Variants in MORF4L1 observed in about 807,000 individuals in gnomAD.
MORF4L1 encodes the protein mortality factor 4 like 1.
MORF4L1 carries 4 observed loss-of-function variants against 52.9 expected under a neutral mutation model. The ratio of observed to expected loss-of-function variants is 0.08; its 90% CI spans 0.04 to 0.17. MORF4L1 has a LOEUF of 0.17. MORF4L1 is among the 10% of genes least tolerant of loss of function. The pLI is 1.00. For synonymous variants in MORF4L1, 123 were observed against 134.8 expected (o/e 0.91, Z 0.61); for missense variants, 214 against 390.4 (o/e 0.55, Z 3.81).
chr15:78,886,579 A>G (rs1232552249), intron 4 of MORF4L1, among the ~76,000 whole-genome samples: 1 of 152,188 alleles, frequency 6.6e-6, no homozygotes, highest in African/African-American at 2.4e-5. Context: ...TCTGCTTTTC[A>G]TCTCTGAAAG....
At chr15:78,875,204 G>A (rs1470840315) in intron 1 of MORF4L1, among the ~76,000 whole-genome samples, 19 of 152,106 alleles carry the variant, frequency 1.2e-4, no homozygotes, top group Non-Finnish European at 7.3e-5. Flanking sequence ...AGACTGTCAA[G>A]GCACAAAAAG....
intron 1 of MORF4L1, chr15:78,873,330 C>A: frequency 9.6e-7 from 1 of 1,043,300 alleles, no homozygotes; most frequent in Non-Finnish European, 1.3e-6. Context: ...TGTTATTGTT[C>A]TGAGGAAGAG....
chr15:78,885,069 C>G, intron 3 of MORF4L1: 24 of 1,611,072 alleles, frequency 1.5e-5, no homozygotes, highest in Non-Finnish European at 1.9e-5. Flanking sequence ...TACACCACCC[C>G]CTCCTGACCT....
At chr15:78,890,021 G>T (rs1333533389) in intron 5 of MORF4L1, among the ~76,000 whole-genome samples, 1 of 152,084 alleles carries the variant, frequency 6.6e-6, no homozygotes, top group African/African-American at 2.4e-5. Flanking sequence ...TCAGGAGTTT[G>T]AGACCAGCCT....
chr15:78,880,832 C>T (rs1363633782), intron 3 of MORF4L1, among the ~76,000 whole-genome samples: 2 of 149,130 alleles, frequency 1.3e-5, no homozygotes, highest in African/African-American at 2.5e-5. Flanking sequence ...TATAGTCAAT[C>T]AATTATTCTG....
At chr15:78,880,190 T>A (rs948249160) in intron 2 of MORF4L1, among the ~76,000 whole-genome samples, 25 of 152,258 alleles carry the variant, frequency 1.6e-4, no homozygotes, top group African/African-American at 5.8e-4. Flanking sequence ...TAGAGGAATT[T>A]GCTTTTGAAA....
At chr15:78,884,211 AAAAC>A (rs1325000323) in intron 3 of MORF4L1, among the ~76,000 whole-genome samples, 2 of 143,172 alleles carry the variant, frequency 1.4e-5, no homozygotes, top group African/African-American at 5.2e-5. Flanking sequence ...CTCAAAAAAA[AAAAC>A]AAAAAGCTGA....
At chr15:78,881,061 T>C (rs2141463617) in intron 3 of MORF4L1, among the ~76,000 whole-genome samples, 1 of 152,200 alleles carries the variant, frequency 6.6e-6, no homozygotes, top group African/African-American at 2.4e-5. Context: ...TACCAGTCCA[T>C]ATTCTGAACT....
intron 1 of MORF4L1, chr15:78,873,264 A>G: frequency 6.8e-7 from 1 of 1,477,368 alleles, no homozygotes; most frequent in Non-Finnish European, 9.0e-7. Flanking sequence ...AGTGCTGCGC[A>G]GGCGTTAGAG....
Position 78,896,834 on chromosome 15 carries a change from C to T in MORF4L1, c.888-149C>T, listed in dbSNP as rs150811229. The T allele has an allele frequency of 7.7e-4, 453 of 591,430 alleles. 3 individuals carry two copies. The African/African-American group carries it at 7.7e-3, about 10-fold the overall frequency. 36.6% of individuals were successfully genotyped at this position (591,430 alleles called of 1,614,324 possible). On this transcript the variant is annotated intron_variant, in intron 11 of 11. Transcript: ENST00000426013. The stretch of plus-strand genomic sequence containing the variant: ...AACCTTATTTATTTACCTGAATTGT[C>T]ATTATGTGTGGTTTTACTGTGAGAG...
Position 78,896,929 on chromosome 15 carries a change from T to A in MORF4L1, c.888-54T>A. On this transcript the variant is annotated intron_variant, in intron 11 of 11. Coordinates refer to ENST00000426013, the MANE Select transcript of MORF4L1 (RefSeq NM_006791.4). ...ATGTATATAATATATAGGAAGAGAT[T>A]TGGATCAAGATAATGACCTTTAAAA... The A allele has an allele frequency of 5.9e-6, 8 of 1,367,198 alleles. No homozygotes were observed. The Admixed American group carries it at 1.4e-4, about 25-fold the overall frequency. The allele number at this position is 1,367,198 out of a possible 1,614,324, so 84.7% of individuals were successfully genotyped here.
intron 8 of MORF4L1, 47 bp from the exon 9 acceptor site, chr15:78,893,491 CT>C: frequency 7.6e-7 from 1 of 1,311,180 alleles, no homozygotes; most frequent in South Asian, 1.2e-5. Flanking sequence ...TATGATTTTT[CT>C]TTAAAAAAGA....
At chr15:78,873,106 A>G (rs1463309078) in intron 1 of MORF4L1, 49 bp downstream of exon 1, 1 of 1,546,486 alleles carries the variant, frequency 6.5e-7, no homozygotes. Context: ...CAGGAGATAG[A>G]GGCGGGCTCG....
At chr15:78,875,590 C>CAGCCTGGTG (rs56151949) in intron 1 of MORF4L1, among the ~76,000 whole-genome samples, 18,710 of 151,800 alleles carry the variant, frequency 0.12, 1,200 homozygotes, top group East Asian at 0.24. Flanking sequence ...CCAGCCTGGT[C>CAGCCTGGTG]AGCCTGGTGA....
chr15:78,892,067 T>C (rs922710922), intron 7 of MORF4L1, 145 bp from the exon 8 acceptor site: 2 of 535,622 alleles, frequency 3.7e-6, no homozygotes, highest in African/African-American at 3.9e-5. Flanking sequence ...GTCGTTTTTA[T>C]TAATGATTTT....
At chr15:78,888,174 T>G (rs1248316046) in intron 5 of MORF4L1, among the ~76,000 whole-genome samples, 1 of 152,308 alleles carries the variant, frequency 6.6e-6, no homozygotes, top group East Asian at 1.9e-4. Flanking sequence ...GTTTAAAGTT[T>G]ATGTAGGACG....
Position 78,894,346 on chromosome 15 carries a change from T to TA in MORF4L1, c.802+117dup, listed in dbSNP as rs1338233681. On this transcript the variant is annotated intron_variant, in intron 10 of 11. Coordinates refer to ENST00000426013, the MANE Select transcript of MORF4L1 (RefSeq NM_006791.4). ...TGACTCCCATTTTAATTTGAACTTT[T>TA]ATCTAGAATGTTAAATAGCAAAATC... The TA allele has an allele frequency of 1.7e-5, 13 of 769,778 alleles. No homozygotes were observed. In the East Asian group the frequency reaches 3.5e-4, roughly 21 times the overall value. 47.7% of individuals were successfully genotyped at this position (769,778 alleles called of 1,614,324 possible). A position where few individuals can be genotyped will look rare whatever the true frequency, so the allele number is the denominator to read the frequency against.
chr15:78,893,416 A>G (rs2056833612), intron 8 of MORF4L1, 123 bp from the exon 9 acceptor site: 5 of 674,658 alleles, frequency 7.4e-6, no homozygotes, highest in Non-Finnish European at 1.3e-5. Flanking sequence ...TAAGTGCTGA[A>G]TAGTATCTTT....
rs1280765584 is a variant in MORF4L1, at chr15:78,874,563, T to TTTTTC, written c.40+1516_40+1520dup. ...CTGTTTTGTTTTTTAGGGTTTTTGT[T>TTTTTC]TTTTCTTTTCTTTTTCTTTCTTTTT... On this transcript the variant is annotated intron_variant, in intron 1 of 11. Coordinates refer to ENST00000426013, the MANE Select transcript of MORF4L1 (RefSeq NM_006791.4). Among the ~76,000 whole-genome samples, 31 of 149,124 alleles carry TTTTTC rather than the reference T, an allele frequency of 2.1e-4. No homozygotes were observed. The East Asian group carries it at 6.0e-3, about 29-fold the overall frequency.
Sources: allele counts gnomAD v4.1 joint callset (sites outside exome capture counted in the v4.1 genomes callset), GRCh38; gene constraint gnomAD v4.1.1; transcripts MANE v1.5; gene names NCBI Gene and HGNC (gene_info 2026-07-23, HGNC 2026-07-21).